HPGDS: variants seen among roughly 807,000 people sequenced by gnomAD.
HPGDS encodes hematopoietic prostaglandin D synthase.
In HPGDS, 26 loss-of-function variants were observed where a neutral mutation model predicts 23.1. The ratio of observed to expected loss-of-function variants is 1.13; its 90% confidence interval spans 0.83 to 1.56. The LOEUF (loss-of-function observed/expected upper bound fraction) is 1.56, where lower values mean the gene tolerates loss of function less well. Among genes scored for constraint, HPGDS ranks in the 40% most tolerant of loss-of-function variants. HPGDS has a pLI of 0.00. For missense variants in HPGDS, 268 were observed against 236.4 expected (o/e 1.13, Z -0.88); for synonymous variants, 95 against 77.9 (o/e 1.22, Z -1.16).
chr4:94,304,753 TG>T (rs1377301060), intron 4 of HPGDS, among the ~76,000 whole-genome samples: 2 of 152,136 alleles, frequency 1.3e-5, no homozygotes, highest in Non-Finnish European at 2.9e-5. Flanking sequence ...CCTTTGAAAT[TG>T]TTTTTTTGGA....
intron 3 of HPGDS, among the ~76,000 whole-genome samples, chr4:94,309,913 C>T (rs962458511): frequency 1.3e-5 from 2 of 152,160 alleles, no homozygotes; most frequent in African/African-American, 2.4e-5. Context: ...TGTCTTTTGG[C>T]TGCATAAATG....
At chr4:94,338,319 G>C (rs1721064674) in intron 1 of HPGDS, among the ~76,000 whole-genome samples, 1 of 152,076 alleles carries the variant, frequency 6.6e-6, no homozygotes, top group African/African-American at 2.4e-5. Context: ...CAGCTACTCA[G>C]GTGGCTAAGG....
At chr4:94,316,490 AT>A in intron 3 of HPGDS, among the ~76,000 whole-genome samples, 1 of 78,604 alleles carries the variant, frequency 1.3e-5, no homozygotes, top group Admixed American at 1.1e-4. Flanking sequence ...AACCACAATA[AT>A]CTTCCCAAAA....
At chr4:94,327,044 T>C (rs896809318) in intron 2 of HPGDS, among the ~76,000 whole-genome samples, 10 of 152,208 alleles carry the variant, frequency 6.6e-5, no homozygotes, top group African/African-American at 1.9e-4. Flanking sequence ...GGTGAGTCTT[T>C]GCTGGGGAGG....
intron 1 of HPGDS, among the ~76,000 whole-genome samples, chr4:94,339,143 T>C (rs115967121): frequency 6.6e-6 from 1 of 152,230 alleles, no homozygotes; most frequent in Admixed American, 6.5e-5. Context: ...ACCCCAACTT[T>C]CTATCAAACA....
At chr4:94,321,244 A>G (rs1756502858) in intron 2 of HPGDS, among the ~76,000 whole-genome samples, 2 of 152,120 alleles carry the variant, frequency 1.3e-5, no homozygotes, top group African/African-American at 2.4e-5. Context: ...TTGGCAATGC[A>G]GGCTCTTTTT....
chr4:94,317,352 G>A (rs1756417938), intron 3 of HPGDS, among the ~76,000 whole-genome samples: 1 of 152,154 alleles, frequency 6.6e-6, no homozygotes, highest in Admixed American at 6.5e-5. Flanking sequence ...AATACCATGG[G>A]TGTGGGCACT....
At chr4:94,337,511 C>A (rs1267315549) in intron 1 of HPGDS, among the ~76,000 whole-genome samples, 2 of 151,810 alleles carry the variant, frequency 1.3e-5, no homozygotes, top group Non-Finnish European at 2.9e-5. Flanking sequence ...CCCGTCTCTA[C>A]CAAAAATACA....
intron 2 of HPGDS, among the ~76,000 whole-genome samples, chr4:94,333,192 T>C (rs929205707): frequency 1.3e-5 from 2 of 152,208 alleles, no homozygotes; most frequent in South Asian, 2.1e-4. Context: ...ACATTTGTAA[T>C]AGAAACTGCT....
chr4:94,302,335 C>T (rs1369376897), intron 4 of HPGDS, 91 bp from the exon 5 acceptor site: 1 of 840,808 alleles, frequency 1.2e-6, no homozygotes, highest in African/African-American at 1.7e-5. Flanking sequence ...CTTTATTCTC[C>T]CACATGAATT....
At chr4:94,340,311 C>CTTTCTTTCTTTCTTTCTTTTTCTTTTCT in intron 1 of HPGDS, among the ~76,000 whole-genome samples, 1 of 23,678 alleles carries the variant, frequency 4.2e-5, no homozygotes, top group Non-Finnish European at 8.7e-5. Context: ...CTTTCTTTCT[C>CTTTCTTTCTTTCTTTCTTTTTCTTTTCT]TTTTTTTTTT....
chr4:94,312,686 G>A (rs1340174312), intron 3 of HPGDS, among the ~76,000 whole-genome samples: 1 of 152,120 alleles, frequency 6.6e-6, no homozygotes, highest in Non-Finnish European at 1.5e-5. Flanking sequence ...TCAATTCCTG[G>A]ATATCCTTGT....
intron 4 of HPGDS, among the ~76,000 whole-genome samples, chr4:94,306,237 C>T (rs375759741): frequency 3.7e-4 from 56 of 152,180 alleles, no homozygotes; most frequent in African/African-American, 1.3e-3. Context: ...CTGCCAGTCT[C>T]TTTAAAATAG....
chr4:94,327,756 T>A (rs986404414), intron 2 of HPGDS, among the ~76,000 whole-genome samples: 2 of 152,122 alleles, frequency 1.3e-5, no homozygotes, highest in African/African-American at 4.8e-5. Flanking sequence ...TTTGGGACAC[T>A]ACATGGGCTA....
rs1253656068 is a variant in HPGDS, at chr4:94,317,956, A to C, written c.143T>G (p.Phe48Cys). 6.2e-7 allele frequency: 1 copy of C among 1,602,210 alleles called. No individual in the cohort carries two copies. Among genetic ancestry groups the C allele is most frequent in the Non-Finnish European group, 8.5e-7 (1 of 1,170,716 alleles). ...DWPEIKSTLP[F>C]GKIPILEVDG... ...AACTTCCAAAATGGGGATTTTTCCAAATGGGAGAGCTTAAAATGAAATGAG... is the reference window on the plus strand; with the variant it reads ...AACTTCCAAAATGGGGATTTTTCCACATGGGAGAGCTTAAAATGAAATGAG... The change falls in exon 3 of 6, where the codon TTT becomes TGT. Residue 48 changes from phenylalanine (F) to cysteine (C), a missense_variant. Phe to Cys is a radical substitution (Grantham distance 205, BLOSUM62 -2). Transcript: ENST00000295256.
intron 2 of HPGDS, among the ~76,000 whole-genome samples, chr4:94,332,079 G>C (rs1435633159): frequency 6.6e-6 from 1 of 152,064 alleles, no homozygotes; most frequent in Non-Finnish European, 1.5e-5. Flanking sequence ...AAATACTTCA[G>C]ACTCAGTTGG....
intron 1 of HPGDS, among the ~76,000 whole-genome samples, chr4:94,342,441 C>T (rs1342663078): frequency 6.6e-6 from 1 of 152,108 alleles, no homozygotes; most frequent in Non-Finnish European, 1.5e-5. Context: ...TTCTCTACTC[C>T]ATCAATCCAA....
chr4:94,340,305 C>CTCTTTTTTTTTTTTTTTTTTTTTTTT (rs1721120053), intron 1 of HPGDS, among the ~76,000 whole-genome samples: 1 of 26,198 alleles, frequency 3.8e-5, no homozygotes, highest in Non-Finnish European at 7.0e-5. Flanking sequence ...TTCTTTCTTT[C>CTCTTTTTTTTTTTTTTTTTTTTTTTT]TTTCTCTTTT....
chr4:94,308,782 A>G (rs1387514060), intron 3 of HPGDS, 39 bp from the exon 4 acceptor site: 3 of 1,113,690 alleles, frequency 2.7e-6, no homozygotes, highest in Non-Finnish European at 4.1e-6. Flanking sequence ...TGTTTAATTT[A>G]CTATATTAAA....
Sources: gnomAD v4.1 joint callset for allele counts (sites outside exome capture counted in the v4.1 genomes callset) on GRCh38, gnomAD v4.1.1 for gene constraint, MANE v1.5 for transcripts, NCBI Gene and HGNC (gene_info 2026-07-23, HGNC 2026-07-21) for gene names.